ROBO2: variants seen among roughly 807,000 people sequenced by gnomAD.
ROBO2 encodes the protein roundabout guidance receptor 2.
Under a neutral mutation model 160.8 loss-of-function variants are expected in ROBO2, and 53 were observed. The observed-to-expected ratio is 0.33, with a 90% CI of 0.26 to 0.41. ROBO2 has a LOEUF of 0.41. Ranked by LOEUF, ROBO2 falls within the 10% of genes least tolerant of loss-of-function variation. The pLI, the probability that ROBO2 is intolerant of heterozygous loss-of-function variation, is 1.00. For synonymous variants in ROBO2, 664 were observed against 611.7 expected, an observed-to-expected ratio of 1.09 and a Z score of -1.26; for missense variants, 1,577 against 1,722.4, an observed-to-expected ratio of 0.92 and a Z score of 1.49.
intron 2 of ROBO2, among the ~76,000 whole-genome samples, chr3:76,030,961 A>G (rs1049283168): frequency 6.6e-6 from 1 of 152,116 alleles, no homozygotes; most frequent in Admixed American, 6.6e-5. Context: ...CTTGGGGAGT[A>G]TGGCCATTTT....
chr3:76,650,320 G>A (rs1267727475), intron 2 of ROBO2, among the ~76,000 whole-genome samples: 1 of 152,072 alleles, frequency 6.6e-6, no homozygotes, highest in Non-Finnish European at 1.5e-5. Flanking sequence ...ACTTTGGGAG[G>A]AGACAGCGTG....
intron 2 of ROBO2, among the ~76,000 whole-genome samples, chr3:76,024,855 C>T (rs958088539): frequency 6.6e-6 from 1 of 151,264 alleles, no homozygotes; most frequent in East Asian, 1.9e-4. Context: ...GGAACTCTTT[C>T]ATTTTGCTTT....
At chr3:76,264,407 C>T (rs1316846745) in intron 2 of ROBO2, among the ~76,000 whole-genome samples, 5 of 151,176 alleles carry the variant, frequency 3.3e-5, no homozygotes, top group East Asian at 1.9e-4. Context: ...CACCTTTCCT[C>T]GTTATTATAG....
chr3:76,061,714 A>G (rs2068074305), intron 2 of ROBO2, among the ~76,000 whole-genome samples: 1 of 152,140 alleles, frequency 6.6e-6, no homozygotes, highest in Non-Finnish European at 1.5e-5. Context: ...AATTACCTCT[A>G]ATGGCTTGGT....
At chr3:76,345,377 GA>G (rs1202412126) in intron 2 of ROBO2, among the ~76,000 whole-genome samples, 2 of 150,856 alleles carry the variant, frequency 1.3e-5, no homozygotes, top group Admixed American at 1.3e-4. Context: ...AGATGTGTGA[GA>G]ATGTGTATAA....
At chr3:77,256,706 A>G (rs1489590685) in intron 2 of ROBO2, among the ~76,000 whole-genome samples, 1 of 152,188 alleles carries the variant, frequency 6.6e-6, no homozygotes, top group African/African-American at 2.4e-5. Context: ...TATTCCCAAG[A>G]GAGGCTTCTG....
chr3:76,185,261 T>C (rs557963019), intron 2 of ROBO2, among the ~76,000 whole-genome samples: 13 of 117,476 alleles, frequency 1.1e-4, no homozygotes, highest in Non-Finnish European at 7.2e-5. Context: ...AATATGGATA[T>C]ACTGTCAACA....
At chr3:77,479,189 G>C in intron 3 of ROBO2, among the ~76,000 whole-genome samples, 1 of 152,124 alleles carries the variant, frequency 6.6e-6, no homozygotes. Flanking sequence ...GGAAGGTGAG[G>C]GGCAGAACTG....
At chr3:77,417,856 A>G (rs1009133763) in intron 2 of ROBO2, among the ~76,000 whole-genome samples, 1 of 152,068 alleles carries the variant, frequency 6.6e-6, no homozygotes, top group African/African-American at 2.4e-5. Flanking sequence ...AGTTAAACCT[A>G]AATTTAATAT....
intron 2 of ROBO2, among the ~76,000 whole-genome samples, chr3:76,290,331 T>G (rs1708743029): frequency 6.6e-6 from 1 of 152,094 alleles, no homozygotes; most frequent in Non-Finnish European, 1.5e-5. Flanking sequence ...TATTTGGCTC[T>G]CAGATTAGAT....
intron 1 of ROBO2, among the ~76,000 whole-genome samples, chr3:77,051,147 G>A (rs1052168001): frequency 2.0e-5 from 3 of 152,052 alleles, no homozygotes; most frequent in African/African-American, 7.2e-5. Context: ...TTCCTCACTG[G>A]CTATCATGAA....
At chr3:77,473,265 T>G (rs535321423) in intron 2 of ROBO2, among the ~76,000 whole-genome samples, 1 of 151,820 alleles carries the variant, frequency 6.6e-6, no homozygotes. Flanking sequence ...CCTGCTTTTT[T>G]ACTGCACCTG....
chr3:76,685,581 C>T (rs1336684410), intron 2 of ROBO2, among the ~76,000 whole-genome samples: 1 of 152,032 alleles, frequency 6.6e-6, no homozygotes, highest in Non-Finnish European at 1.5e-5. Context: ...AGTTTTATTT[C>T]ATGAATTCTG....
chr3:77,514,744 T>A (rs1169604133), intron 5 of ROBO2, among the ~76,000 whole-genome samples: 1 of 151,856 alleles, frequency 6.6e-6, no homozygotes, highest in Admixed American at 6.6e-5. Flanking sequence ...GAGAAATGCA[T>A]ATTTTCCCAA....
intron 2 of ROBO2, among the ~76,000 whole-genome samples, chr3:75,961,979 T>G (rs934035744): frequency 6.6e-6 from 1 of 151,266 alleles, no homozygotes; most frequent in African/African-American, 2.4e-5. Flanking sequence ...TTATATTCCT[T>G]TCCCAAATAT....
chr3:77,496,143 G>A (rs2086750256), intron 5 of ROBO2, among the ~76,000 whole-genome samples: 1 of 152,090 alleles, frequency 6.6e-6, no homozygotes, highest in African/African-American at 2.4e-5. Flanking sequence ...TCATAGCTTT[G>A]GCCTCTTTAT....
At chr3:77,120,932 A>T (rs186067363) in intron 2 of ROBO2, among the ~76,000 whole-genome samples, 84 of 152,174 alleles carry the variant, frequency 5.5e-4, no homozygotes, top group African/African-American at 1.9e-3. Flanking sequence ...GGTGGAAAGA[A>T]TGCAGATGTT....
chr3:76,472,714 A>G (rs1217629930), intron 2 of ROBO2, among the ~76,000 whole-genome samples: 1 of 152,184 alleles, frequency 6.6e-6, no homozygotes, highest in Admixed American at 6.6e-5. Context: ...AAAATGTTTC[A>G]ATTTAATTGG....
intron 2 of ROBO2, among the ~76,000 whole-genome samples, chr3:77,146,210 C>T (rs956487861): frequency 6.6e-6 from 1 of 152,132 alleles, no homozygotes; most frequent in Non-Finnish European, 1.5e-5. Context: ...AGGGTTTGGC[C>T]GCCCCCTGCT....
Sources: allele counts gnomAD v4.1 joint callset (sites outside exome capture counted in the v4.1 genomes callset), GRCh38; gene constraint gnomAD v4.1.1; transcripts MANE v1.5; gene names NCBI Gene and HGNC (gene_info 2026-07-23, HGNC 2026-07-21).